HEXIM2: variants seen among roughly 807,000 people sequenced by gnomAD.
The protein encoded by HEXIM2 is protein HEXIM2.
For missense variants in HEXIM2, 413 were observed against 390.8 expected (o/e 1.06, Z -0.48); for synonymous variants, 159 against 162.7 (o/e 0.98, Z 0.17).
chr17:45,167,584 A>T (rs1050745047), intron 3 of HEXIM2, among the ~76,000 whole-genome samples: 3 of 152,164 alleles, frequency 2.0e-5, no homozygotes, highest in African/African-American at 7.2e-5. Context: ...TGGGCAACAG[A>T]GTAAGACCCT....
At position 45,169,856 on chromosome 17, in the gene HEXIM2, GCA is replaced by G; in HGVS notation, c.*51_*52del. On this transcript the variant is annotated 3_prime_UTR_variant, in exon 4 of 4. Coordinates refer to ENST00000589230, the MANE Select transcript of HEXIM2 (RefSeq NM_001303441.2). ...ACCCAAGGAGAAGGTCCCATTTCGT[GCA>G]CACTCAGGCCAGCTGGGTCTCAAGG... is the stretch of plus-strand genomic sequence containing the variant. 3 of 1,402,468 alleles carry G rather than the reference GCA, an allele frequency of 2.1e-6. No individual in the cohort carries two copies. The highest frequency in any genetic ancestry group is 2.8e-6 in the Non-Finnish European group (3 of 1,076,248). The allele number at this position is 1,402,468 out of a possible 1,614,324, so 86.9% of individuals were successfully genotyped here. A position where few individuals can be genotyped will look rare whatever the true frequency, so the allele number is the denominator to read the frequency against.
chr17:45,168,894 C>A, intron 3 of HEXIM2, 121 bp from the exon 4 acceptor site: 1 of 938,506 alleles, frequency 1.1e-6, no homozygotes, highest in Non-Finnish European at 1.6e-6. Flanking sequence ...GGTTGAGGGG[C>A]TAAGAGTGAC....
rs1316058897 is a variant in HEXIM2 at position 45,167,241 on chromosome 17, G to A, written c.67-1774G>A. Among the ~76,000 whole-genome samples, 4 of 151,648 alleles carry A rather than the reference G, an allele frequency of 2.6e-5. No homozygotes were observed. In the East Asian group the frequency reaches 7.8e-4, roughly 30 times the overall value. ...CTCAGGAGGCTGAGGCAGGAGAATC[G>A]CTTGAACCTGGAAGGCGGAGGTTGC... On this transcript the variant is annotated intron_variant, in intron 3 of 3. Transcript: ENST00000589230.
Position 45,169,279 on chromosome 17 carries a change from G to A in HEXIM2, c.331G>A (p.Ala111Thr). The change falls in exon 4 of 4, where the codon GCT becomes ACT. Residue 111 changes from alanine to threonine, a missense_variant. By Grantham distance (58) the Ala-to-Thr change is moderately conservative. Transcript: ENST00000589230. Reference sequence around the variant, plus strand: ...GCGACCCTACCTGGAGCTGAGCTGGGCTGAGAAACAACAGCGGGATGAGAG... The same window carrying A: ...GCGACCCTACCTGGAGCTGAGCTGGACTGAGAAACAACAGCGGGATGAGAG... ...HWRPYLELSW[A>T]EKQQRDERQS... The A allele has an allele frequency of 1.2e-6, 2 of 1,613,830 alleles. No individual in the cohort carries two copies. Among genetic ancestry groups the A allele is most frequent in the Non-Finnish European group, 1.7e-6 (2 of 1,180,018 alleles).
upstream of HEXIM2, chr17:45,160,680 T>C (rs372739431): frequency 7.9e-5 from 28 of 354,196 alleles, no homozygotes; most frequent in East Asian, 1.6e-3. Context: ...GGTGTAAACT[T>C]TCAAGAGAAG....
intron 3 of HEXIM2, among the ~76,000 whole-genome samples, chr17:45,167,194 T>TA (rs2042875488): frequency 6.6e-6 from 1 of 150,860 alleles, no homozygotes; most frequent in Non-Finnish European, 1.5e-5. Flanking sequence ...GGCATGGTGG[T>TA]ACACGCCTGT....
intron 3 of HEXIM2, 155 bp from the exon 4 acceptor site, chr17:45,168,860 C>G (rs553655412): frequency 2.7e-6 from 2 of 745,936 alleles, no homozygotes; most frequent in Non-Finnish European, 4.5e-6. Context: ...AGACAGGTCT[C>G]TTTGTAAACA....
upstream of HEXIM2, among the ~76,000 whole-genome samples, chr17:45,160,216 G>A (rs1299782802): frequency 1.3e-5 from 2 of 152,132 alleles, no homozygotes; most frequent in East Asian, 1.9e-4. Context: ...AAGGTTAAGA[G>A]TTTATTCTTT....
intron 3 of HEXIM2, among the ~76,000 whole-genome samples, chr17:45,165,584 A>G (rs1034102856): frequency 4.6e-5 from 7 of 151,946 alleles, no homozygotes; most frequent in African/African-American, 1.7e-4. Flanking sequence ...TGCCCTGAAC[A>G]TACACTCTCT....
intron 2 of HEXIM2, 46 bp from the exon 3 acceptor site, chr17:45,162,704 C>A: frequency 6.2e-7 from 1 of 1,604,934 alleles, no homozygotes; most frequent in Non-Finnish European, 8.5e-7. Context: ...CCAGAGTATT[C>A]CTGACGTTCC....
At chr17:45,168,502 T>C (rs2042929866) in intron 3 of HEXIM2, among the ~76,000 whole-genome samples, 1 of 151,762 alleles carries the variant, frequency 6.6e-6, no homozygotes, top group Non-Finnish European at 1.5e-5. Flanking sequence ...AGGTTTTTTT[T>C]TTTTTTGAAT....
At chr17:45,166,567 C>T (rs1467234062) in intron 3 of HEXIM2, among the ~76,000 whole-genome samples, 1 of 152,126 alleles carries the variant, frequency 6.6e-6, no homozygotes, top group Non-Finnish European at 1.5e-5. Flanking sequence ...GATGCGTTCT[C>T]ACATGAGGAA....
rs11423159 is a variant in HEXIM2 at position 45,163,325 on chromosome 17, CAAAAAAAAAAAAA to C, written c.66+478_66+490del. Among the ~76,000 whole-genome samples, 2 of 78,798 alleles carry C rather than the reference CAAAAAAAAAAAAA, an allele frequency of 2.5e-5. 1 individual carries two copies. The highest frequency in any genetic ancestry group is 1.0e-4 in the African/African-American group (2 of 19,722). The allele number at this position is 78,798 out of a possible 152,430, so 51.7% of individuals were successfully genotyped here. A position where few individuals can be genotyped will look rare whatever the true frequency, so the allele number is the denominator to read the frequency against. On this transcript the variant is annotated intron_variant, in intron 3 of 3. Transcript: ENST00000589230. ...TGGGCGTCAGAGCGAGACTCCGTCTCAAAAAAAAAAAAAAAAAAAAAAAATCCTAGTAACCCTT... is the reference window on the plus strand; with the variant it reads ...TGGGCGTCAGAGCGAGACTCCGTCTCAAAAAAAAAAATCCTAGTAACCCTT...
chr17:45,168,064 C>T (rs867960138), intron 3 of HEXIM2, among the ~76,000 whole-genome samples: 15 of 148,896 alleles, frequency 1.0e-4, no homozygotes, highest in Non-Finnish European at 1.5e-4. Context: ...TTGTATTTTT[C>T]GTAGACATAG....
rs1261574657 is a variant in HEXIM2, at chr17:45,162,824, A to G, written c.31A>G (p.Asn11Asp). The change falls in exon 3 of 4, where the codon AAT becomes GAT. Residue 11 changes from asparagine to aspartate, a missense_variant. Coordinates refer to ENST00000589230, the MANE Select transcript of HEXIM2 (RefSeq NM_001303441.2). MMATPNQTAC[N>D]AESPVALEEA... ...GGCCACTCCGAACCAGACCGCCTGTAATGCAGAGTCACCAGTGGCCCTGGA... is the reference window on the plus strand; with the variant it reads ...GGCCACTCCGAACCAGACCGCCTGTGATGCAGAGTCACCAGTGGCCCTGGA... The G allele has an allele frequency of 6.2e-7, 1 of 1,613,762 alleles. No homozygotes were observed. The highest frequency in any genetic ancestry group is 1.7e-5 in the Admixed American group (1 of 60,008).
intron 3 of HEXIM2, 63 bp downstream of exon 3, chr17:45,162,922 A>G: frequency 9.1e-7 from 1 of 1,099,872 alleles, no homozygotes; most frequent in Non-Finnish European, 1.4e-6. Context: ...CTGAGATCCA[A>G]ACTTCTTGTC....
intron 3 of HEXIM2, among the ~76,000 whole-genome samples, chr17:45,165,827 C>T (rs959680726): frequency 6.6e-6 from 1 of 152,016 alleles, no homozygotes; most frequent in Non-Finnish European, 1.5e-5. Context: ...CAGAGTCTTA[C>T]TCTGTTGCCC....
At chr17:45,167,224 G>T (rs2042877255) in intron 3 of HEXIM2, among the ~76,000 whole-genome samples, 2 of 151,838 alleles carry the variant, frequency 1.3e-5, no homozygotes, top group South Asian at 4.2e-4. Context: ...TACTCAGGAG[G>T]CTGAGGCAGG....
intron 3 of HEXIM2, among the ~76,000 whole-genome samples, chr17:45,165,265 T>TACGTACACACCCCACAC (rs2042807263): frequency 6.6e-6 from 1 of 152,116 alleles, no homozygotes; most frequent in Non-Finnish European, 1.5e-5. Context: ...AAACTCCACA[T>TACGTACACACCCCACAC]ACGTACACAC....
Sources: allele counts gnomAD v4.1 joint callset (sites outside exome capture counted in the v4.1 genomes callset), GRCh38; gene constraint gnomAD v4.1.1; transcripts MANE v1.5; gene names NCBI Gene and HGNC (gene_info 2026-07-23, HGNC 2026-07-21).